RHOBTB2: variants seen among roughly 807,000 people sequenced by gnomAD.
RHOBTB2 encodes the protein Rho related BTB domain containing 2, also known as rho-related BTB domain-containing protein 2.
RHOBTB2 carries 39 observed loss-of-function variants against 66.5 expected under a neutral mutation model. The ratio of observed to expected loss-of-function variants is 0.59; its 90% CI spans 0.45 to 0.77. RHOBTB2 has a LOEUF of 0.77. RHOBTB2 is among the 30% of genes least tolerant of loss of function. The probability of loss-of-function intolerance (pLI) is 0.00; values close to 1 mark genes in which losing one functional copy is unlikely to be tolerated. For synonymous variants in RHOBTB2, 390 were observed against 395.0 expected (o/e 0.99, Z 0.15); for missense variants, 755 against 999.1 (o/e 0.76, Z 3.29).
At chr8:22,960,140 G>A in the RHOBTB2 span, among the ~76,000 whole-genome samples, 4 of 150,796 alleles carry the variant, frequency 2.7e-5, no homozygotes, top group Admixed American at 6.6e-5. Context: ...CTGAGATCAC[G>A]GCACTGTACT....
At position 23,004,026 on chromosome 8, in the gene RHOBTB2, G is replaced by A; in HGVS notation, c.-10-399G>A. ...GTGGCCGACTCTGCTTCTCTCAGCT[G>A]TTTGTTGTTCTGCTGCCACTGCTCT... On this transcript the variant is annotated intron_variant, in intron 1 of 9. Transcript: ENST00000251822. The surrounding 1 kb of genome is among the most constrained non-coding windows in gnomAD (Gnocchi z 6.4). 1 of 298,626 alleles carries A rather than the reference G, an allele frequency of 3.3e-6. No homozygotes were observed. The highest frequency in any genetic ancestry group is 6.6e-6 in the Non-Finnish European group (1 of 152,164). 18.5% of individuals were successfully genotyped at this position (298,626 alleles called of 1,614,324 possible).
Position 23,019,218 on chromosome 8 carries a change from A to T in RHOBTB2, c.*1749A>T, listed in dbSNP as rs1023561245. On this transcript the variant is annotated 3_prime_UTR_variant, in exon 10 of 10. Coordinates refer to ENST00000251822, the MANE Select transcript of RHOBTB2 (RefSeq NM_015178.3). ...GCCTGGGATTGAGCTAACCTGAAAC[A>T]AAGGTAGCAGGCAGGACCTAATGAC... 2 of 152,414 alleles carry T rather than the reference A, an allele frequency of 1.3e-5. No homozygotes were observed. The highest frequency in any genetic ancestry group is 4.8e-5 in the African/African-American group (2 of 41,450). The allele number at this position is 152,414 out of a possible 1,614,324, so 9.4% of individuals were successfully genotyped here.
At chr8:22,998,115 G>A (rs969766523), upstream of RHOBTB2, among the ~76,000 whole-genome samples, 4 of 152,186 alleles carry the variant, frequency 2.6e-5, no homozygotes, top group African/African-American at 9.7e-5. Context: ...AGCACTTCCT[G>A]TACATTGACC....
rs746461277 is a variant in RHOBTB2, at chr8:22,990,031, C to T, written c.-136-2037C>T. Reference sequence around the variant, plus strand: ...TGAGGTAGTACATGCAGCACAATCCCGGGCATGTAATAAACATTCAGTAAG... The same window carrying T: ...TGAGGTAGTACATGCAGCACAATCCTGGGCATGTAATAAACATTCAGTAAG... On this transcript the variant is annotated intron_variant, in intron 1 of 11. Transcript: ENST00000519685. Among the ~76,000 whole-genome samples the T allele has an allele frequency of 4.6e-5, 7 of 152,236 alleles. No individual in the cohort carries two copies. In the Middle Eastern group the frequency reaches 0.01, roughly 222 times the overall value.
intron 6 of RHOBTB2, among the ~76,000 whole-genome samples, chr8:23,008,474 C>T (rs1388562163): frequency 1.3e-5 from 2 of 152,192 alleles, no homozygotes; most frequent in African/African-American, 4.8e-5. Context: ...TCAGGACTTC[C>T]ATTCCTTGGC....
intron 5 of RHOBTB2, 65 bp from the exon 6 acceptor site, chr8:23,007,927 GC>G: frequency 6.6e-7 from 1 of 1,525,890 alleles, no homozygotes; most frequent in Non-Finnish European, 9.1e-7. Flanking sequence ...AGGCTCCGTG[GC>G]TCCCCTTGGG....
At chr8:22,988,217 T>C (rs1305922406) in intron 1 of RHOBTB2, among the ~76,000 whole-genome samples, 1 of 139,564 alleles carries the variant, frequency 7.2e-6, no homozygotes, top group African/African-American at 2.7e-5. Flanking sequence ...TGGAGTGCAA[T>C]GGCGCAATCT....
At chr8:22,951,576 C>T in the RHOBTB2 span, among the ~76,000 whole-genome samples, 1 of 152,064 alleles carries the variant, frequency 6.6e-6, no homozygotes, top group Non-Finnish European at 1.5e-5. Flanking sequence ...GGTTGGATCT[C>T]ACAAAATACG....
At chr8:22,975,479 T>A in the RHOBTB2 span, among the ~76,000 whole-genome samples, 2 of 152,084 alleles carry the variant, frequency 1.3e-5, no homozygotes, top group Non-Finnish European at 2.9e-5. Context: ...GCATGCGGTG[T>A]GTTTCATGTG....
At chr8:22,997,014 T>G (rs1810588952), upstream of RHOBTB2, among the ~76,000 whole-genome samples, 7 of 152,096 alleles carry the variant, frequency 4.6e-5, no homozygotes, top group African/African-American at 1.7e-4. Flanking sequence ...TAGCCACAAC[T>G]GGGGCACAGG....
chr8:23,007,961 A>G, intron 5 of RHOBTB2, 32 bp from the exon 6 acceptor site: 1 of 1,592,602 alleles, frequency 6.3e-7, no homozygotes, highest in East Asian at 2.2e-5. Flanking sequence ...AGCTTCTTTC[A>G]CCAGTCCTCC....
intron 2 of RHOBTB2, among the ~76,000 whole-genome samples, chr8:22,992,375 C>A (rs564926677): frequency 7.2e-5 from 11 of 152,168 alleles, no homozygotes; most frequent in South Asian, 4.1e-4. Flanking sequence ...TGAAAAAAAA[C>A]CAAGTTTATT....
Position 23,020,052 on chromosome 8 carries a change from C to T in RHOBTB2, c.*2583C>T. On this transcript the variant is annotated 3_prime_UTR_variant, in exon 10 of 10. Transcript: ENST00000251822. ...AGGAAGGAAGGAGTCCCAGCAGGAG[C>T]ACAGCCCTGGTTTCCTGTCACTCAG... 1 of 345,158 alleles carries T rather than the reference C, an allele frequency of 2.9e-6. No homozygotes were observed. Among genetic ancestry groups the T allele is most frequent in the South Asian group, 2.3e-5 (1 of 43,652 alleles). The allele number at this position is 345,158 out of a possible 1,614,324, so 21.4% of individuals were successfully genotyped here. A position where few individuals can be genotyped will look rare whatever the true frequency, so the allele number is the denominator to read the frequency against.
At chr8:22,976,794 T>C in the RHOBTB2 span, among the ~76,000 whole-genome samples, 2 of 144,690 alleles carry the variant, frequency 1.4e-5, no homozygotes, top group Admixed American at 1.4e-4. Context: ...CCCAGATAGG[T>C]TTTTTTTTTT....
intron 9 of RHOBTB2, among the ~76,000 whole-genome samples, chr8:23,016,804 C>T (rs1811304304): frequency 6.6e-6 from 1 of 152,288 alleles, no homozygotes; most frequent in South Asian, 2.1e-4. Context: ...CCCCCCATAC[C>T]CTGCAGAATA....
At chr8:22,979,144 A>C in the RHOBTB2 span, among the ~76,000 whole-genome samples, 1 of 152,138 alleles carries the variant, frequency 6.6e-6, no homozygotes, top group Non-Finnish European at 1.5e-5. Context: ...AACAAAATCC[A>C]CCCATATTTG....
chr8:22,996,125 G>A (rs924093503), upstream of RHOBTB2, among the ~76,000 whole-genome samples: 13 of 152,212 alleles, frequency 8.5e-5, no homozygotes, highest in East Asian at 1.9e-4. Flanking sequence ...GCATCTGCCC[G>A]GCTTCAGGAA....
At chr8:22,973,513 C>T in the RHOBTB2 span, among the ~76,000 whole-genome samples, 1 of 152,128 alleles carries the variant, frequency 6.6e-6, no homozygotes, top group South Asian at 2.1e-4. Flanking sequence ...AGATTACAGG[C>T]GTGAGCCACC....
upstream of RHOBTB2, chr8:22,995,975 T>C (rs1462653462): frequency 8.1e-7 from 1 of 1,236,290 alleles, no homozygotes; most frequent in Non-Finnish European, 1.2e-6. Flanking sequence ...GCGGTCTGCG[T>C]TGGGCTGGCA....
Sources: gnomAD v4.1 joint callset for allele counts (sites outside exome capture counted in the v4.1 genomes callset) on GRCh38, gnomAD v4.1.1 for gene constraint, Gnocchi (gnomAD v3.1) non-coding constraint, MANE v1.5 for transcripts, NCBI Gene and HGNC (gene_info 2026-07-23, HGNC 2026-07-21) for gene names.